OTOF: variants seen among roughly 807,000 people sequenced by gnomAD.
OTOF encodes fer-1-like family member 2.
A neutral mutation model predicts 236.8 loss-of-function variants in OTOF; 218 were observed. The ratio of observed to expected loss-of-function variants is 0.92; its 90% CI spans 0.82 to 1.03. OTOF has a LOEUF of 1.03. Ranked by LOEUF, OTOF falls within the 50% of genes least tolerant of loss-of-function variation. OTOF has a pLI of 0.00. For missense variants in OTOF, 2,590 were observed against 2,694.4 expected (o/e 0.96, Z 0.86); for synonymous variants, 1,041 against 1,072.5 (o/e 0.97, Z 0.57).
intron 3 of OTOF, among the ~76,000 whole-genome samples, chr2:26,520,266 A>G (rs1335504501): frequency 6.6e-6 from 1 of 152,196 alleles, no homozygotes; most frequent in Non-Finnish European, 1.5e-5. Context: ...GCTGCCTGAG[A>G]TTTATAGAGG....
chr2:26,501,794 A>G lies in OTOF; in HGVS notation c.725T>C (p.Ile242Thr). The change falls in exon 8 of 47, where the codon ATT becomes ACT. Residue 242 changes from isoleucine (I) to threonine (T), a missense_variant. By Grantham distance (89) the Ile-to-Thr change is moderately conservative. Transcript: ENST00000272371. ...NVSNKRSKPD[I>T]KMEPSAGRPM... ...CCGCCCAGCACTTGGCTCCATCTTAATGTCTGGCTTAGATCTGAGGAAGAG... is the reference window on the plus strand; with the variant it reads ...CCGCCCAGCACTTGGCTCCATCTTAGTGTCTGGCTTAGATCTGAGGAAGAG... 1 of 1,613,726 alleles carries G rather than the reference A, an allele frequency of 6.2e-7. No homozygotes were observed. The highest frequency in any genetic ancestry group is 8.5e-7 in the Non-Finnish European group (1 of 1,179,650).
At chr2:26,493,965 C>T (rs1224642224) in intron 9 of OTOF, among the ~76,000 whole-genome samples, 2 of 152,204 alleles carry the variant, frequency 1.3e-5, no homozygotes, top group South Asian at 2.1e-4. Flanking sequence ...TTCTTCATGC[C>T]TCTAAGTCAT....
chr2:26,498,475 A>T (rs1457976845), intron 8 of OTOF, among the ~76,000 whole-genome samples: 1 of 152,162 alleles, frequency 6.6e-6, no homozygotes. Context: ...AAAATAAAAA[A>T]TGGCTGGTCA....
chr2:26,521,369 T>A (rs1307721715), intron 3 of OTOF, among the ~76,000 whole-genome samples: 1 of 152,166 alleles, frequency 6.6e-6, no homozygotes, highest in African/African-American at 2.4e-5. Context: ...TGCTGCAATG[T>A]GACAAGACAC....
chr2:26,495,609 A>G (rs1046434897), intron 8 of OTOF, among the ~76,000 whole-genome samples: 1 of 151,900 alleles, frequency 6.6e-6, no homozygotes, highest in Non-Finnish European at 1.5e-5. Flanking sequence ...TCTTTTTTAT[A>G]CAGATGGGGT....
At position 26,466,267 on chromosome 2, in the gene OTOF, A is replaced by C. The variant is rs532813384; in HGVS notation, c.4501-191T>G. Reference sequence around the variant, plus strand: ...TGGGCGTTGACTTCTTCCTCTAGAAAAGATAAAGACTAGACCAAATGATCT... The same window carrying C: ...TGGGCGTTGACTTCTTCCTCTAGAACAGATAAAGACTAGACCAAATGATCT... On this transcript the variant is annotated intron_variant, in intron 36 of 46. Transcript: ENST00000272371. 5.5e-5 allele frequency: 37 copies of C among 673,468 alleles called. No individual in the cohort carries two copies. In the East Asian group the frequency reaches 9.1e-4, roughly 17 times the overall value. The allele number at this position is 673,468 out of a possible 1,614,324, so 41.7% of individuals were successfully genotyped here.
At chr2:26,474,889 G>A (rs1187512351) in intron 25 of OTOF, among the ~76,000 whole-genome samples, 1 of 151,898 alleles carries the variant, frequency 6.6e-6, no homozygotes, top group African/African-American at 2.4e-5. Flanking sequence ...CTAGACATGA[G>A]GTCCTCCTAC....
At chr2:26,493,387 C>T (rs1379222448) in intron 9 of OTOF, among the ~76,000 whole-genome samples, 4 of 152,180 alleles carry the variant, frequency 2.6e-5, no homozygotes, top group Admixed American at 1.3e-4. Context: ...GTACGGGACT[C>T]AGCTGCCTTA....
chr2:26,482,428 C>G lies in OTOF; in HGVS notation c.1557G>C (p.Lys519Asn). The change falls in exon 14 of 47, where the codon AAG becomes AAC. Residue 519 changes from lysine (K) to asparagine (N), a missense_variant. By Grantham distance (94) the Lys-to-Asn change is moderately conservative (BLOSUM62 0). Coordinates refer to ENST00000272371, the MANE Select transcript of OTOF (RefSeq NM_194248.3). Reference sequence around the variant, plus strand: ...GACCTTTGTCTCCGTCATTAGAAATCTTGCGCAGGTCAATGAAGTGGGTGC... The same window carrying G: ...GACCTTTGTCTCCGTCATTAGAAATGTTGCGCAGGTCAATGAAGTGGGTGC... ...AIGTHFIDLR[K>N]ISNDGDKGFL... The G allele has an allele frequency of 1.2e-6, 2 of 1,613,358 alleles. No individual in the cohort carries two copies. The highest frequency in any genetic ancestry group is 1.7e-6 in the Non-Finnish European group (2 of 1,180,018).
intron 3 of OTOF, among the ~76,000 whole-genome samples, chr2:26,525,621 T>C (rs958852173): frequency 4.6e-5 from 7 of 152,176 alleles, no homozygotes; most frequent in Non-Finnish European, 8.8e-5. Context: ...AAGCATTTGT[T>C]CACTATATGT....
intron 3 of OTOF, among the ~76,000 whole-genome samples, chr2:26,521,041 A>G (rs1457182660): frequency 1.3e-5 from 2 of 152,122 alleles, no homozygotes; most frequent in African/African-American, 2.4e-5. Context: ...TCAAGCTTCT[A>G]ATGTGAAGTC....
At chr2:26,548,904 G>A (rs1667397444) in intron 1 of OTOF, among the ~76,000 whole-genome samples, 1 of 152,046 alleles carries the variant, frequency 6.6e-6, no homozygotes, top group Non-Finnish European at 1.5e-5. Flanking sequence ...CTGTAAATGA[G>A]GTTATACAGT....
chr2:26,463,012 A>G (rs1664551722), intron 41 of OTOF, among the ~76,000 whole-genome samples: 1 of 152,142 alleles, frequency 6.6e-6, no homozygotes, highest in Non-Finnish European at 1.5e-5. Context: ...GGCACTCCAA[A>G]GAAAACTTGG....
In OTOF at chr2:26,531,272, C is replaced by T. The variant is rs114241851; in HGVS notation, c.139-3352G>A. Among the ~76,000 whole-genome samples the T allele has an allele frequency of 2.7e-3, 412 of 152,320 alleles. 3 individuals are homozygous for T. Among genetic ancestry groups the T allele is most frequent in the African/African-American group, 9.6e-3 (398 of 41,572 alleles). On this transcript the variant is annotated intron_variant, in intron 2 of 46. Coordinates refer to ENST00000272371, the MANE Select transcript of OTOF (RefSeq NM_194248.3). Reference sequence around the variant, plus strand: ...TGACAACACCGAGGCTTGTATCTCACGCAGACTGGGAGTCTCCGTGGTGTT... The same window carrying T: ...TGACAACACCGAGGCTTGTATCTCATGCAGACTGGGAGTCTCCGTGGTGTT...
intron 1 of OTOF, among the ~76,000 whole-genome samples, chr2:26,544,027 T>C (rs1667269127): frequency 6.6e-6 from 1 of 152,260 alleles, no homozygotes; most frequent in Admixed American, 6.5e-5. Flanking sequence ...AGCTTGCTTG[T>C]CCTTTAGACC....
Position 26,459,875 on chromosome 2 carries a change from T to C in OTOF, c.*17+133A>G. ...TATGCACTTGTGCGTGGCACATGTG[T>C]GCATACATGCTTGTGTGTGTTTGTG... On this transcript the variant is annotated intron_variant, in intron 46 of 46. Transcript: ENST00000272371. 4.6e-6 allele frequency: 4 copies of C among 867,384 alleles called. No individual in the cohort carries two copies. The South Asian group carries it at 6.5e-5, about 14-fold the overall frequency. 53.7% of individuals were successfully genotyped at this position (867,384 alleles called of 1,614,324 possible). A position where few individuals can be genotyped will look rare whatever the true frequency, so the allele number is the denominator to read the frequency against.
At chr2:26,512,255 C>G (rs1249220160) in intron 5 of OTOF, among the ~76,000 whole-genome samples, 3 of 152,272 alleles carry the variant, frequency 2.0e-5, no homozygotes, top group Non-Finnish European at 1.5e-5. Flanking sequence ...AGGAAAGGCT[C>G]AGGTCTCTAC....
intron 8 of OTOF, among the ~76,000 whole-genome samples, chr2:26,496,645 A>G (rs1250194514): frequency 2.0e-5 from 3 of 151,610 alleles, no homozygotes; most frequent in Non-Finnish European, 4.4e-5. Flanking sequence ...CTTTTCCCGA[A>G]CCCTCATTTT....
intron 4 of OTOF, among the ~76,000 whole-genome samples, chr2:26,517,202 G>A (rs11126534): frequency 0.89 from 135,304 of 152,008 alleles, 60,993 homozygotes; most frequent in Non-Finnish European, 0.96. Flanking sequence ...GCAGTGGAGA[G>A]TCATGATTGG....
Sources: gnomAD v4.1 joint callset for allele counts (sites outside exome capture counted in the v4.1 genomes callset) on GRCh38, gnomAD v4.1.1 for gene constraint, MANE v1.5 for transcripts, NCBI Gene and HGNC (gene_info 2026-07-23, HGNC 2026-07-21) for gene names.